Variants in TRIP12 observed in about 807,000 individuals in gnomAD.
The protein encoded by TRIP12 is thyroid hormone receptor interactor 12.
TRIP12 carries 25 observed loss-of-function variants against 244.2 expected under a neutral mutation model. That is an observed-to-expected ratio of 0.10 (90% CI 0.07 to 0.14). The LOEUF is 0.14. TRIP12 is among the 10% of genes least tolerant of loss of function. The pLI is 1.00. For missense variants in TRIP12, 1,677 were observed against 2,486.4 expected (o/e 0.67, Z 6.92); for synonymous variants, 905 against 873.1 (o/e 1.04, Z -0.64).
intron 13 of TRIP12, among the ~76,000 whole-genome samples, chr2:229,813,287 T>C (rs1001400080): frequency 3.3e-5 from 5 of 152,222 alleles, no homozygotes; most frequent in African/African-American, 9.6e-5. Flanking sequence ...AAACACTCAA[T>C]GTTTGCTGAA....
chr2:229,841,700 CCAAT>C (rs1403126897), intron 4 of TRIP12, among the ~76,000 whole-genome samples: 7 of 152,192 alleles, frequency 4.6e-5, no homozygotes, highest in Admixed American at 2.0e-4. Flanking sequence ...TCCAAAGTTA[CCAAT>C]CATATTTCCA....
At chr2:229,821,286 A>T (rs2049987093) in intron 8 of TRIP12, among the ~76,000 whole-genome samples, 1 of 152,212 alleles carries the variant, frequency 6.6e-6, no homozygotes, top group Non-Finnish European at 1.5e-5. Flanking sequence ...AATGAAGTAG[A>T]AAAGGAAAAA....
intron 4 of TRIP12, among the ~76,000 whole-genome samples, chr2:229,841,254 A>G (rs905704625): frequency 2.6e-5 from 4 of 152,054 alleles, no homozygotes; most frequent in Non-Finnish European, 5.9e-5. Flanking sequence ...TGTATATACC[A>G]TTTATTTCAA....
chr2:229,899,327 A>G (rs2069900532), intron 1 of TRIP12, among the ~76,000 whole-genome samples: 1 of 152,218 alleles, frequency 6.6e-6, no homozygotes, highest in Non-Finnish European at 1.5e-5. Flanking sequence ...AGGTACTGCC[A>G]CACCTCCAAA....
rs1243029149 is a variant in TRIP12 at position 229,811,204 on chromosome 2, C to T, written c.1987G>A (p.Asp663Asn). The T allele has an allele frequency of 1.2e-6, 2 of 1,612,692 alleles. No homozygotes were observed. The highest frequency in any genetic ancestry group is 1.7e-5 in the Admixed American group (1 of 59,906). The change falls in exon 14 of 42, where the codon GAT becomes AAT. Residue 663 changes from aspartate (D) to asparagine (N), a missense_variant and splice_region_variant. Physicochemically the swap from Asp to Asn is conservative, Grantham distance 23. Transcript: ENST00000675903. ...CAAGTGCTTTCTACTGACTTTTTAT[C>T]CTATTTTTTTAATAAAGGAAAATAA... ...PLLTQRLTHQ[D>N]KKSVESTCLC...
chr2:229,798,784 T>C, intron 23 of TRIP12, 91 bp downstream of exon 23: 1 of 1,355,806 alleles, frequency 7.4e-7, no homozygotes, highest in Non-Finnish European at 1.0e-6. Context: ...TGTCTATGTA[T>C]CGTCTCCACA....
rs746861558 is a variant in TRIP12, at chr2:229,768,665, C to T, written c.5958G>A (p.Gln1986=). Residue 1986 remains glutamine (Q), a synonymous_variant, in exon 41 of 42, where the codon CAG becomes CAA. Transcript: ENST00000675903. ...EILSSFDNEQ[Q]RLFLQFVTGS... is the part of the protein sequence containing the mutation. ...CAGTCACAAACTGGAGAAATAACCT[C>T]TGCTGCTCATTATCAAAACTACTGA... The T allele has an allele frequency of 3.7e-6, 6 of 1,612,362 alleles. No homozygotes were observed. Among genetic ancestry groups the T allele is most frequent in the Middle Eastern group, 3.3e-4 (2 of 6,058 alleles).
At chr2:229,872,570 A>G (rs1046876362) in intron 2 of TRIP12, among the ~76,000 whole-genome samples, 1 of 152,206 alleles carries the variant, frequency 6.6e-6, no homozygotes, top group East Asian at 1.9e-4. Flanking sequence ...TCTCCAAAAA[A>G]AATAAAGAAA....
chr2:229,769,451 T>C lies in TRIP12; in HGVS notation c.5809-126A>G, dbSNP rs2033309366. ...GTACTAAAACCTTCTGCTTGGGACCTCTTTCCAAAAAAAAAAAAATAATAA... is the reference window on the plus strand; with the variant it reads ...GTACTAAAACCTTCTGCTTGGGACCCCTTTCCAAAAAAAAAAAAATAATAA... On this transcript the variant is annotated intron_variant, in intron 39 of 41. Coordinates refer to ENST00000675903, the MANE Select transcript of TRIP12 (RefSeq NM_001348323.3). 1.1e-5 allele frequency: 5 copies of C among 462,484 alleles called. No homozygotes were observed. The East Asian group carries it at 1.9e-4, about 18-fold the overall frequency. The allele number at this position is 462,484 out of a possible 1,614,324, so 28.6% of individuals were successfully genotyped here. A position where few individuals can be genotyped will look rare whatever the true frequency, so the allele number is the denominator to read the frequency against.
chr2:229,822,271 AGACACACAGCTG>A (rs1456980528), intron 8 of TRIP12, among the ~76,000 whole-genome samples: 1 of 152,236 alleles, frequency 6.6e-6, no homozygotes, highest in Non-Finnish European at 1.5e-5. Flanking sequence ...TAGGCGTCAA[AGACACACAGCTG>A]GTACCTGAAC....
At chr2:229,821,206 C>G (rs1014582103) in intron 8 of TRIP12, among the ~76,000 whole-genome samples, 5 of 152,154 alleles carry the variant, frequency 3.3e-5, no homozygotes, top group African/African-American at 1.2e-4. Context: ...CCGTTTAGTG[C>G]CACTGCTTTG....
At chr2:229,854,823 C>T (rs907665892) in intron 4 of TRIP12, among the ~76,000 whole-genome samples, 1 of 152,194 alleles carries the variant, frequency 6.6e-6, no homozygotes, top group African/African-American at 2.4e-5. Context: ...CTGTTCACCC[C>T]TATCATTCTG....
chr2:229,815,031 A>C (rs1234888951), intron 11 of TRIP12, 68 bp downstream of exon 11: 2 of 1,219,976 alleles, frequency 1.6e-6, no homozygotes, highest in Non-Finnish European at 2.3e-6. Flanking sequence ...ATGAAAGCTA[A>C]AATTCAAGAG....
intron 2 of TRIP12, among the ~76,000 whole-genome samples, chr2:229,870,848 T>C (rs2062434169): frequency 6.6e-6 from 1 of 152,128 alleles, no homozygotes. Context: ...CCTGAGTCCT[T>C]CTTGAGTGTG....
chr2:229,854,978 C>A (rs1210551259), intron 4 of TRIP12, among the ~76,000 whole-genome samples: 1 of 152,164 alleles, frequency 6.6e-6, no homozygotes, highest in Non-Finnish European at 1.5e-5. Context: ...ACTTGCCACA[C>A]AAAGGCTAGG....
intron 9 of TRIP12, among the ~76,000 whole-genome samples, chr2:229,816,791 T>TA (rs1400266524): frequency 8.5e-5 from 13 of 152,196 alleles, no homozygotes; most frequent in Admixed American, 6.5e-5. Context: ...TGCTAGTTCT[T>TA]AGTGAACAAA....
intron 32 of TRIP12, among the ~76,000 whole-genome samples, chr2:229,788,373 T>C (rs569707199): frequency 1.3e-5 from 2 of 152,248 alleles, no homozygotes; most frequent in South Asian, 4.2e-4. Flanking sequence ...TGGAAAAAAC[T>C]GTCTTCCATG....
rs181264171 is a variant in TRIP12 at position 229,916,485 on chromosome 2, G to A, written c.-50+5395C>T. On this transcript the variant is annotated intron_variant, in intron 1 of 41. Coordinates refer to ENST00000675903, the MANE Select transcript of TRIP12 (RefSeq NM_001348323.3). ...CAGGAGAATCACTTGAACCTGGAAG[G>A]TGGAGGTTGCAGTGAGCCGAGATCG... is the stretch of plus-strand genomic sequence containing the variant. Among the ~76,000 whole-genome samples, 741 of 152,268 alleles carry A rather than the reference G, an allele frequency of 4.9e-3. 5 individuals carry two copies. The highest frequency in any genetic ancestry group is 0.02 in the Middle Eastern group (6 of 294).
intron 8 of TRIP12, among the ~76,000 whole-genome samples, chr2:229,827,631 G>GAAGCT (rs1452734957): frequency 6.6e-6 from 1 of 152,108 alleles, no homozygotes; most frequent in Non-Finnish European, 1.5e-5. Context: ...TGACAGGCAT[G>GAAGCT]AAGCTGTCAT....
Sources: allele counts gnomAD v4.1 joint callset (sites outside exome capture counted in the v4.1 genomes callset), GRCh38; gene constraint gnomAD v4.1.1; transcripts MANE v1.5; gene names NCBI Gene and HGNC (gene_info 2026-07-23, HGNC 2026-07-21).